ALDH7A1: variants seen among roughly 807,000 people sequenced by gnomAD.
ALDH7A1 encodes alpha-aminoadipic semialdehyde dehydrogenase.
Under a neutral mutation model 79.9 loss-of-function variants are expected in ALDH7A1, and 63 were observed. The ratio of observed to expected loss-of-function variants is 0.79; its 90% CI spans 0.64 to 0.97. The LOEUF (loss-of-function observed/expected upper bound fraction) is 0.97. ALDH7A1 is among the 50% of genes least tolerant of loss of function. The pLI is 0.00. For synonymous variants in ALDH7A1, 240 were observed against 231.2 expected, an observed-to-expected ratio of 1.04 and a Z score of -0.34; for missense variants, 627 against 665.2, an observed-to-expected ratio of 0.94 and a Z score of 0.63.
chr5:126,582,596 C>T (rs948235142), intron 5 of ALDH7A1, among the ~76,000 whole-genome samples: 1 of 152,080 alleles, frequency 6.6e-6, no homozygotes, highest in Non-Finnish European at 1.5e-5. Flanking sequence ...ATTTCCAAAT[C>T]GTTTTACAGA....
rs545489696 is a variant in ALDH7A1, at chr5:126,551,720, GAGA to G, written c.1317+298_1317+300del. 1.3e-3 allele frequency among the ~76,000 whole-genome samples: 194 copies of G among 152,240 alleles called. 1 individual carries two copies. The highest frequency in any genetic ancestry group is 4.3e-3 in the African/African-American group (180 of 41,548). ...CAAACTATCCAGTACCACGGTTCAG[GAGA>G]AGGTGACTCTATGGCCTACACAGCC... is the stretch of plus-strand genomic sequence containing the variant. On this transcript the variant is annotated intron_variant, in intron 14 of 17. Coordinates refer to ENST00000409134, the MANE Select transcript of ALDH7A1 (RefSeq NM_001182.5).
Position 126,584,003 on chromosome 5 carries a change from G to A in ALDH7A1, c.322C>T (p.Pro108Ser), listed in dbSNP as rs1369193908. ...AWKIWADIPA[P>S]KRGEIVRQIG... ...TGTCTTACTATTTCTCCTCGTTTTGGAGCAGGAATCTAAGAAAAGAATGCA... is the reference window on the plus strand; with the variant it reads ...TGTCTTACTATTTCTCCTCGTTTTGAAGCAGGAATCTAAGAAAAGAATGCA... The change falls in exon 4 of 18, where the codon CCA (proline) becomes TCA (serine). Residue 108 changes from proline (P) to serine (S), a missense_variant. Pro to Ser is a moderately conservative substitution (Grantham distance 74, BLOSUM62 -1). Coordinates refer to ENST00000409134, the MANE Select transcript of ALDH7A1 (RefSeq NM_001182.5). 6.2e-7 allele frequency: 1 copy of A among 1,613,876 alleles called. No individual in the cohort carries two copies. Among genetic ancestry groups the A allele is most frequent in the Non-Finnish European group, 8.5e-7 (1 of 1,179,926 alleles).
intron 16 of ALDH7A1, among the ~76,000 whole-genome samples, chr5:126,549,239 T>A (rs992162942): frequency 1.3e-5 from 2 of 152,112 alleles, no homozygotes; most frequent in African/African-American, 4.8e-5. Flanking sequence ...AACAGCAAAG[T>A]CCGTGCATCA....
chr5:126,571,053 C>T (rs1750752231), intron 7 of ALDH7A1, 194 bp from the exon 8 acceptor site: 1 of 572,826 alleles, frequency 1.7e-6, no homozygotes, highest in Non-Finnish European at 3.2e-6. Flanking sequence ...ACATTAAGAA[C>T]CCTCTTATAC....
At chr5:126,571,843 A>C (rs1750789835) in intron 7 of ALDH7A1, among the ~76,000 whole-genome samples, 1 of 152,156 alleles carries the variant, frequency 6.6e-6, no homozygotes, top group East Asian at 1.9e-4. Flanking sequence ...ACCTAAAGTA[A>C]ATGCCACAGA....
chr5:126,545,126 T>TC, intron 17 of ALDH7A1, 107 bp from the exon 18 acceptor site: 1 of 831,058 alleles, frequency 1.2e-6, no homozygotes, highest in Non-Finnish European at 2.0e-6. Flanking sequence ...AGGCAAGATC[T>TC]CCAAGTTACA....
intron 7 of ALDH7A1, among the ~76,000 whole-genome samples, chr5:126,575,035 C>T (rs1357499134): frequency 6.6e-6 from 1 of 152,206 alleles, no homozygotes; most frequent in East Asian, 1.9e-4. Flanking sequence ...TTTGTTAACA[C>T]TCTATTAAGC....
At chr5:126,557,827 AT>A (rs1046682002) in intron 11 of ALDH7A1, among the ~76,000 whole-genome samples, 34 of 152,242 alleles carry the variant, frequency 2.2e-4, no homozygotes, top group African/African-American at 7.9e-4. Context: ...GAGCTTAAAA[AT>A]AATTTTTTTT....
At chr5:126,556,239 CTTTTTTT>C (rs35367836) in intron 11 of ALDH7A1, among the ~76,000 whole-genome samples, 5 of 97,934 alleles carry the variant, frequency 5.1e-5, no homozygotes, top group South Asian at 3.7e-4. Context: ...TAAGCCATGT[CTTTTTTT>C]TTTTTTTTTT....
At chr5:126,562,522 C>T (rs185946921) in intron 9 of ALDH7A1, 3 of 151,922 alleles carry the variant, frequency 2.0e-5, no homozygotes, top group African/African-American at 4.8e-5. Flanking sequence ...ATTATAGAGC[C>T]TTAAAAAGAA....
At chr5:126,571,513 A>G (rs1036637829) in intron 7 of ALDH7A1, among the ~76,000 whole-genome samples, 1 of 151,860 alleles carries the variant, frequency 6.6e-6, no homozygotes, top group African/African-American at 2.4e-5. Context: ...AGAAAAAAAC[A>G]TAGAACATAA....
Position 126,575,465 on chromosome 5 carries a change from CT to C in ALDH7A1, c.651-2del. 6.2e-7 allele frequency: 1 copy of C among 1,611,820 alleles called. No homozygotes were observed. Among genetic ancestry groups the C allele is most frequent in the Non-Finnish European group, 8.5e-7 (1 of 1,179,214 alleles). ...GAGGGAAGTGGTTGGAGCTCCTTTCCTTAAGAAGGTTAAAACAAAAAAAGAA... is the reference window on the plus strand; with the variant it reads ...GAGGGAAGTGGTTGGAGCTCCTTTCCTAAGAAGGTTAAAACAAAAAAAGAA... On this transcript the variant is annotated splice_acceptor_variant, in intron 6 of 17. Coordinates refer to ENST00000409134, the MANE Select transcript of ALDH7A1 (RefSeq NM_001182.5). LOFTEE classifies it high-confidence loss of function.
chr5:126,561,506 G>A (rs1174478285), intron 9 of ALDH7A1: 10 of 153,144 alleles, frequency 6.5e-5, no homozygotes, highest in Non-Finnish European at 1.3e-4. Flanking sequence ...GTGTGTGTGT[G>A]TGTGTGTACG....
chr5:126,581,972 C>T (rs1206511528), intron 5 of ALDH7A1: 1 of 374,036 alleles, frequency 2.7e-6, no homozygotes, highest in Non-Finnish European at 4.7e-6. Context: ...AGCGAGACTC[C>T]ATCTCAAAAA....
chr5:126,562,860 C>G (rs1463579047), intron 9 of ALDH7A1, among the ~76,000 whole-genome samples: 1 of 151,988 alleles, frequency 6.6e-6, no homozygotes, highest in Non-Finnish European at 1.5e-5. Context: ...ACCTTGTAGA[C>G]ATTATGTTAA....
At position 126,544,950 on chromosome 5, in the gene ALDH7A1, T is replaced by C. The variant is rs1749735991; in HGVS notation, c.*15A>G. On this transcript the variant is annotated 3_prime_UTR_variant, in exon 18 of 18. Transcript: ENST00000409134. ...TGGAACACCTCAAATTAAGGGATGT[T>C]CATCTAAAACACCTTTACTGAAACT... 1.3e-6 allele frequency: 2 copies of C among 1,596,990 alleles called. No homozygotes were observed. Among genetic ancestry groups the C allele is most frequent in the Non-Finnish European group, 1.7e-6 (2 of 1,164,714 alleles).
intron 9 of ALDH7A1, chr5:126,567,940 C>A: frequency 2.9e-6 from 1 of 343,078 alleles, no homozygotes; most frequent in South Asian, 2.4e-5. Context: ...CCCGCCACCA[C>A]GCCCCGCTAA....
Position 126,595,013 on chromosome 5 carries a change from C to T in ALDH7A1, c.186G>A (p.Arg62=), listed in dbSNP as rs776876925. The T allele has an allele frequency of 3.1e-6, 5 of 1,601,250 alleles. No individual in the cohort carries two copies. Among genetic ancestry groups the T allele is most frequent in the East Asian group, 2.3e-5 (1 of 44,192 alleles). Reference sequence around the variant, plus strand: ...TTCTTGAGCGCCCGCGTACCTCTCCCCGGCCTCCCCAGCTTCCATTATACA... The same window carrying T: ...TTCTTGAGCGCCCGCGTACCTCTCCTCGGCCTCCCCAGCTTCCATTATACA... The part of the protein sequence containing the change: ...EGVYNGSWGG[R]GEVITTYCPA... Residue 62 remains arginine (R), a synonymous_variant, in exon 1 of 18, where the codon CGG becomes CGA. Transcript: ENST00000409134.
chr5:126,589,866 G>A (rs1018204795), intron 3 of ALDH7A1, among the ~76,000 whole-genome samples: 16 of 149,800 alleles, frequency 1.1e-4, no homozygotes, highest in South Asian at 2.1e-4. Flanking sequence ...AGTAAGAAGC[G>A]CCTCTGCCCA....
Sources: gnomAD v4.1 joint callset for allele counts (sites outside exome capture counted in the v4.1 genomes callset) on GRCh38, gnomAD v4.1.1 for gene constraint, MANE v1.5 for transcripts, NCBI Gene and HGNC (gene_info 2026-07-23, HGNC 2026-07-21) for gene names.